CCPG1: variants seen among roughly 807,000 people sequenced by gnomAD.
CCPG1 encodes the protein cell cycle progression protein 1.
In CCPG1, 46 loss-of-function variants were observed where a neutral mutation model predicts 81.3. The observed-to-expected ratio is 0.57, with a 90% CI of 0.45 to 0.72. The LOEUF is 0.72. Ranked by LOEUF, CCPG1 falls within the 30% of genes least tolerant of loss-of-function variation. The pLI is 0.00. For missense variants in CCPG1, 902 were observed against 937.6 expected (o/e 0.96, Z 0.50); for synonymous variants, 330 against 305.2 (o/e 1.08, Z -0.85).
intron 6 of CCPG1, among the ~76,000 whole-genome samples, chr15:55,371,066 T>C (rs542527710): frequency 2.0e-5 from 3 of 152,030 alleles, no homozygotes; most frequent in Admixed American, 2.0e-4. Context: ...TGAGCTGAGA[T>C]TGTGCCACTG....
In CCPG1 at chr15:55,372,153, G is replaced by T. The variant is rs909644801; in HGVS notation, c.455-109C>A. 3 of 1,079,622 alleles carry T rather than the reference G, an allele frequency of 2.8e-6. No individual in the cohort carries two copies. In the East Asian group the frequency reaches 7.6e-5, roughly 27 times the overall value. 66.9% of individuals were successfully genotyped at this position (1,079,622 alleles called of 1,614,324 possible). A position where few individuals can be genotyped will look rare whatever the true frequency, so the allele number is the denominator to read the frequency against. On this transcript the variant is annotated intron_variant, in intron 5 of 8. Coordinates refer to ENST00000442196, the MANE Select transcript of CCPG1 (RefSeq NM_001204450.2). Reference sequence around the variant, plus strand: ...ATCCCTTACATGCCTTTCTACATAAGATAGCCAAAAACAAAAACCAAACAA... The same window carrying T: ...ATCCCTTACATGCCTTTCTACATAATATAGCCAAAAACAAAAACCAAACAA...
At chr15:55,372,337 T>C (rs1317210015) in intron 5 of CCPG1, 1 of 373,864 alleles carries the variant, frequency 2.7e-6, no homozygotes, top group African/African-American at 2.1e-5. Flanking sequence ...GTTTACACTC[T>C]TAGAACAATC....
At chr15:55,361,774 T>G (rs1295464998) in intron 7 of CCPG1, among the ~76,000 whole-genome samples, 2 of 152,178 alleles carry the variant, frequency 1.3e-5, no homozygotes, top group East Asian at 1.9e-4. Flanking sequence ...AAAAATTGTT[T>G]GTACTCAGTG....
Position 55,356,305 on chromosome 15 carries a change from C to T in CCPG1, c.2339G>A (p.Trp780Ter), listed in dbSNP as rs1230497883. 7 of 1,535,354 alleles carry T rather than the reference C, an allele frequency of 4.6e-6. No homozygotes were observed. The highest frequency in any genetic ancestry group is 1.4e-5 in the African/African-American group (1 of 73,016). Residue 780 changes from tryptophan (W) to a stop codon, truncating the protein, a stop_gained, in exon 9 of 9, where the codon TGG (tryptophan) becomes TAG (stop). Transcript: ENST00000442196. LOFTEE classifies it high-confidence loss of function. The part of the protein sequence containing the change: ...QPQPYKREGK[W>*]HKYGRTNGRQ... ...TCCATTAGTGCGACCATATTTATGC[C>T]ATTTACCTTCCCTTTTATAAGGCTG...
At chr15:55,380,961 C>A (rs927325457) in intron 3 of CCPG1, among the ~76,000 whole-genome samples, 9 of 151,864 alleles carry the variant, frequency 5.9e-5, no homozygotes, top group Non-Finnish European at 1.2e-4. Context: ...CACAGTGAAA[C>A]CCCGTCTCTA....
At chr15:55,403,113 T>G (rs1216593946) in intron 1 of CCPG1, among the ~76,000 whole-genome samples, 1 of 152,208 alleles carries the variant, frequency 6.6e-6, no homozygotes, top group African/African-American at 2.4e-5. Context: ...TTTATGTAAA[T>G]GCACTTAGTA....
intron 5 of CCPG1, chr15:55,373,129 A>G (rs1210147155): frequency 6.9e-6 from 3 of 437,034 alleles, no homozygotes; most frequent in Non-Finnish European, 1.4e-5. Flanking sequence ...AGAAATCCCA[A>G]GTCCAGGAAA....
intron 1 of CCPG1, among the ~76,000 whole-genome samples, chr15:55,395,678 C>A (rs905428915): frequency 1.3e-5 from 2 of 152,034 alleles, no homozygotes; most frequent in East Asian, 1.9e-4. Flanking sequence ...GACCCCATCC[C>A]TAAGACTCTT....
At chr15:55,357,204 C>T (rs1039510130) in intron 8 of CCPG1, 2 of 911,366 alleles carry the variant, frequency 2.2e-6, no homozygotes, top group Admixed American at 1.3e-4. Context: ...TGCCCCAAAC[C>T]TTGAATTCCC....
chr15:55,403,552 CTTTA>C (rs2057164852), intron 1 of CCPG1, among the ~76,000 whole-genome samples: 1 of 152,138 alleles, frequency 6.6e-6, no homozygotes, highest in Non-Finnish European at 1.5e-5. Context: ...GAAAAAATCC[CTTTA>C]TTTATCACTT....
At chr15:55,380,679 AAATT>A (rs951944141) in intron 3 of CCPG1, among the ~76,000 whole-genome samples, 2 of 152,100 alleles carry the variant, frequency 1.3e-5, no homozygotes, top group Admixed American at 6.5e-5. Context: ...CTCTAACAGA[AAATT>A]AATTAATTTA....
chr15:55,371,630 A>C (rs1185961114), intron 6 of CCPG1, among the ~76,000 whole-genome samples, 163 bp downstream of exon 6: 3 of 152,202 alleles, frequency 2.0e-5, no homozygotes, highest in African/African-American at 7.2e-5. Flanking sequence ...TGAGATAGGC[A>C]GCACCCACTT....
intron 1 of CCPG1, among the ~76,000 whole-genome samples, chr15:55,406,546 C>T (rs1228355375): frequency 3.3e-5 from 5 of 150,818 alleles, no homozygotes; most frequent in East Asian, 2.0e-4. Context: ...CTCCGCCTCC[C>T]GGGTTCAAGT....
intron 8 of CCPG1, 49 bp downstream of exon 8, chr15:55,359,490 C>CTACAAATGT: frequency 6.5e-7 from 1 of 1,528,634 alleles, no homozygotes; most frequent in Middle Eastern, 1.8e-4. Flanking sequence ...GCTATCCAAT[C>CTACAAATGT]TACAAATGTT....
rs2056296546 is a variant in CCPG1, at chr15:55,365,187, C to T, written c.828+1G>A. 6.9e-7 allele frequency: 1 copy of T among 1,441,232 alleles called. No homozygotes were observed. The highest frequency in any genetic ancestry group is 1.2e-5 in the South Asian group (1 of 81,488). 89.3% of individuals were successfully genotyped at this position (1,441,232 alleles called of 1,614,324 possible). ...TTTTAAATACTGTTAGTGGTACATA[C>T]CTTATAATCTATAAAAGATTCTTGT... On this transcript the variant is annotated splice_donor_variant, in intron 7 of 8. Coordinates refer to ENST00000442196, the MANE Select transcript of CCPG1 (RefSeq NM_001204450.2). LOFTEE classifies it high-confidence loss of function.
intron 3 of CCPG1, 109 bp downstream of exon 3, chr15:55,385,491 C>G (rs891979189): frequency 7.6e-5 from 44 of 578,114 alleles, no homozygotes; most frequent in Non-Finnish European, 2.4e-5. Context: ...AATCCTCCAA[C>G]GACCCCTTAG....
intron 1 of CCPG1, among the ~76,000 whole-genome samples, chr15:55,392,334 C>T (rs1246923743): frequency 2.0e-5 from 3 of 151,606 alleles, no homozygotes; most frequent in East Asian, 1.9e-4. Context: ...GCCTCAGCCT[C>T]CCGAGTAGCG....
At chr15:55,390,214 G>A (rs538316315) in intron 1 of CCPG1, among the ~76,000 whole-genome samples, 5 of 152,218 alleles carry the variant, frequency 3.3e-5, no homozygotes, top group East Asian at 1.9e-4. Flanking sequence ...GAACCACTGC[G>A]CCCGGCAATC....
In CCPG1 at chr15:55,381,585, C is replaced by G. The variant is rs114213932; in HGVS notation, c.176-3209G>C. 1.0e-2 allele frequency among the ~76,000 whole-genome samples: 1,522 copies of G among 152,258 alleles called. 22 individuals carry two copies. Among genetic ancestry groups the G allele is most frequent in the African/African-American group, 0.035 (1,442 of 41,552 alleles). ...CTTTTCAAATGAGAGTAGTAATAATCAACGTGTAGGCTTAAAAAAATTAAC... is the reference window on the plus strand; with the variant it reads ...CTTTTCAAATGAGAGTAGTAATAATGAACGTGTAGGCTTAAAAAAATTAAC... On this transcript the variant is annotated intron_variant, in intron 3 of 8. Transcript: ENST00000442196.
Sources: gnomAD v4.1 joint callset for allele counts (sites outside exome capture counted in the v4.1 genomes callset) on GRCh38, gnomAD v4.1.1 for gene constraint, MANE v1.5 for transcripts, NCBI Gene and HGNC (gene_info 2026-07-23, HGNC 2026-07-21) for gene names.